The following RUSC2 variants were observed in gnomAD, a reference collection of about 807,000 sequenced individuals.
The protein encoded by RUSC2 is RUN and SH3 domain containing 2, also known as AP-4 complex accessory subunit RUSC2.
In RUSC2, 34 loss-of-function variants were observed where a neutral mutation model predicts 122.2. The observed-to-expected ratio is 0.28, with a 90% CI of 0.21 to 0.37. The LOEUF (loss-of-function observed/expected upper bound fraction) is 0.37, where lower values mean the gene tolerates loss of function less well. Among genes scored for constraint, RUSC2 ranks in the 10% least tolerant of loss-of-function variants. The pLI is 1.00. For missense variants in RUSC2, 1,747 were observed against 1,952.4 expected, an observed-to-expected ratio of 0.89 and a Z score of 1.98; for synonymous variants, 784 against 790.0, an observed-to-expected ratio of 0.99 and a Z score of 0.13.
chr9:35,505,687 T>C (rs1001590722), intron 1 of RUSC2, among the ~76,000 whole-genome samples: 2 of 152,210 alleles, frequency 1.3e-5, no homozygotes, highest in Non-Finnish European at 2.9e-5. Flanking sequence ...ATAATAATTT[T>C]AGTATATTTT....
rs751418294 is a variant in RUSC2 at position 35,548,173 on chromosome 9, G to C, written c.1652G>C (p.Arg551Pro). The C allele has an allele frequency of 3.1e-6, 5 of 1,613,148 alleles. No individual in the cohort carries two copies. The highest frequency in any genetic ancestry group is 4.2e-6 in the Non-Finnish European group (5 of 1,179,982). The change falls in exon 2 of 12, where the codon CGG (arginine) becomes CCG (proline). Residue 551 changes from arginine to proline, a missense_variant. Arg to Pro is a moderately radical substitution (Grantham distance 103). Coordinates refer to ENST00000361226, the MANE Select transcript of RUSC2 (RefSeq NM_014806.5). The surrounding 1 kb of genome is among the most constrained non-coding windows in gnomAD (Gnocchi z 4.5). ...TCCTTTGCCGAGCTGGCCAAGGGCC[G>C]GAAGAAAACTGGAGGCTCTGGCTCG... The part of the protein sequence containing the change: ...VTSFAELAKG[R>P]KKTGGSGSPP...
At chr9:35,516,817 GT>G (rs1821118596) in intron 1 of RUSC2, among the ~76,000 whole-genome samples, 1 of 152,160 alleles carries the variant, frequency 6.6e-6, no homozygotes, top group Non-Finnish European at 1.5e-5. Flanking sequence ...CTGCCAGGGT[GT>G]TTTCATTCAT....
intron 2 of RUSC2, chr9:35,549,058 T>C (rs1821833488): frequency 1.0e-6 from 1 of 982,712 alleles, no homozygotes. Context: ...ATAAATACAC[T>C]GAGGAGATAA....
intron 2 of RUSC2, among the ~76,000 whole-genome samples, chr9:35,552,073 A>G (rs1821911623): frequency 6.6e-6 from 1 of 151,932 alleles, no homozygotes; most frequent in Admixed American, 6.6e-5. Flanking sequence ...AAAAAAAATT[A>G]AAGTAGGCCA....
At chr9:35,523,713 G>A (rs1821262618) in intron 1 of RUSC2, among the ~76,000 whole-genome samples, 1 of 152,040 alleles carries the variant, frequency 6.6e-6, no homozygotes, top group Admixed American at 6.6e-5. Flanking sequence ...TACTCAGGAG[G>A]CTGAGGTGGA....
At chr9:35,508,853 A>G (rs895101603) in intron 1 of RUSC2, among the ~76,000 whole-genome samples, 6 of 152,208 alleles carry the variant, frequency 3.9e-5, no homozygotes, top group Non-Finnish European at 7.3e-5. Context: ...AAAGGAAAAG[A>G]CAGAAAGAAT....
At chr9:35,532,988 G>A (rs1821451199) in intron 1 of RUSC2, among the ~76,000 whole-genome samples, 1 of 151,908 alleles carries the variant, frequency 6.6e-6, no homozygotes, top group South Asian at 2.1e-4. Flanking sequence ...GCTCACGCCT[G>A]TAATCCTAGC....
chr9:35,529,158 T>C (rs1425780686), intron 1 of RUSC2, among the ~76,000 whole-genome samples: 4 of 152,166 alleles, frequency 2.6e-5, no homozygotes, highest in African/African-American at 9.7e-5. Flanking sequence ...TGGGGAAATA[T>C]GAGGCAAATC....
In RUSC2 at chr9:35,546,580, T is replaced by G. The variant is rs1213390290; in HGVS notation, c.59T>G (p.Val20Gly). The G allele has an allele frequency of 6.6e-7, 1 of 1,505,842 alleles. No homozygotes were observed. The highest frequency in any genetic ancestry group is 8.9e-7 in the Non-Finnish European group (1 of 1,128,666). The allele number at this position is 1,505,842 out of a possible 1,614,324, so 93.3% of individuals were successfully genotyped here. The change falls in exon 2 of 12, where the codon GTG becomes GGG. Residue 20 changes from valine (V) to glycine (G), a missense_variant. Val to Gly is a moderately radical substitution (Grantham distance 109). Transcript: ENST00000361226. The surrounding 1 kb of genome is among the most constrained non-coding windows in gnomAD (Gnocchi z 4.3). Reference sequence around the variant, plus strand: ...CTCATCGTTCATCACATCCCCCTGGTGCACTGCCAAGTCCCAGACAGGCAG... The same window carrying G: ...CTCATCGTTCATCACATCCCCCTGGGGCACTGCCAAGTCCCAGACAGGCAG... ...ETLIVHHIPL[V>G]HCQVPDRQCC...
chr9:35,495,995 T>C (rs1383730874), intron 1 of RUSC2, among the ~76,000 whole-genome samples: 1 of 152,196 alleles, frequency 6.6e-6, no homozygotes, highest in Non-Finnish European at 1.5e-5. Context: ...ATACAGCTGA[T>C]TGGATAAAGT....
At chr9:35,552,375 TAAAAAA>T (rs1382475242) in intron 2 of RUSC2, among the ~76,000 whole-genome samples, 1 of 151,606 alleles carries the variant, frequency 6.6e-6, no homozygotes, top group Non-Finnish European at 1.5e-5. Context: ...AAAAGTAAAT[TAAAAAA>T]TAAAAATAAA....
intron 1 of RUSC2, among the ~76,000 whole-genome samples, chr9:35,533,379 T>C (rs1821461644): frequency 6.6e-6 from 1 of 152,170 alleles, no homozygotes; most frequent in African/African-American, 2.4e-5. Context: ...TACCCCCAGT[T>C]ATGGGGTTCT....
At chr9:35,535,535 T>C (rs1395376376) in intron 1 of RUSC2, among the ~76,000 whole-genome samples, 1 of 134,560 alleles carries the variant, frequency 7.4e-6, no homozygotes, top group Non-Finnish European at 1.6e-5. Flanking sequence ...GGAGCTTCTC[T>C]TTTTTTTTTT....
Position 35,561,619 on chromosome 9 carries a change from T to G in RUSC2, c.*237T>G. 3 of 572,610 alleles carry G rather than the reference T, an allele frequency of 5.2e-6. No individual in the cohort carries two copies. The highest frequency in any genetic ancestry group is 3.2e-5 in the Admixed American group (1 of 31,204). 35.5% of individuals were successfully genotyped at this position (572,610 alleles called of 1,614,324 possible). A position where few individuals can be genotyped will look rare whatever the true frequency, so the allele number is the denominator to read the frequency against. On this transcript the variant is annotated 3_prime_UTR_variant, in exon 12 of 12. Transcript: ENST00000361226. ...GGGACACAGCACTGGGCTGCCAGGA[T>G]TCCCCTGGCCCGTCTGGGCCAACCC... is the stretch of plus-strand genomic sequence containing the variant.
intron 1 of RUSC2, among the ~76,000 whole-genome samples, chr9:35,530,085 A>G (rs1430205034): frequency 6.6e-6 from 1 of 152,090 alleles, no homozygotes; most frequent in Non-Finnish European, 1.5e-5. Context: ...CCAAGTAGCT[A>G]GGACTACAGG....
chr9:35,549,203 G>C (rs1388572914), intron 2 of RUSC2: 1 of 985,248 alleles, frequency 1.0e-6, no homozygotes, highest in African/African-American at 1.7e-5. Flanking sequence ...GAAAAGTTCA[G>C]GTTCAGACCT....
At chr9:35,500,672 C>T (rs560525105) in intron 1 of RUSC2, among the ~76,000 whole-genome samples, 1 of 152,258 alleles carries the variant, frequency 6.6e-6, no homozygotes, top group Admixed American at 6.5e-5. Context: ...AAAATTCTTT[C>T]CTCTTGCCAA....
chr9:35,516,022 A>AAAAAAAAAAACAAAAAAAG (rs1554724501), intron 1 of RUSC2, among the ~76,000 whole-genome samples: 1 of 127,116 alleles, frequency 7.9e-6, no homozygotes, highest in Non-Finnish European at 1.6e-5. Context: ...AAAAAAAAAA[A>AAAAAAAAAAACAAAAAAAG]AGAGAAATGC....
intron 1 of RUSC2, among the ~76,000 whole-genome samples, chr9:35,510,193 C>T (rs1053824242): frequency 1.2e-4 from 19 of 152,132 alleles, no homozygotes; most frequent in African/African-American, 4.6e-4. Context: ...ATTCCGGTGA[C>T]TTTTCAAGAG....
Sources: gnomAD v4.1 joint callset for allele counts (sites outside exome capture counted in the v4.1 genomes callset) on GRCh38, gnomAD v4.1.1 for gene constraint, Gnocchi (gnomAD v3.1) non-coding constraint, MANE v1.5 for transcripts, NCBI Gene and HGNC (gene_info 2026-07-23, HGNC 2026-07-21) for gene names.